Variants in VWA8 observed in about 807,000 individuals in gnomAD.
The protein encoded by VWA8 is von Willebrand factor A domain containing 8.
In VWA8, 221 loss-of-function variants were observed where a neutral mutation model predicts 241.5. That is an observed-to-expected ratio of 0.91 (90% CI 0.82 to 1.02). The LOEUF (loss-of-function observed/expected upper bound fraction) is 1.02. Ranked by LOEUF, VWA8 falls within the 50% of genes least tolerant of loss-of-function variation. The probability of loss-of-function intolerance (pLI) is 0.00; values close to 1 mark genes in which losing one functional copy is unlikely to be tolerated. For missense variants in VWA8, 2,322 were observed against 2,328.7 expected, an observed-to-expected ratio of 1.00 and a Z score of 0.06; for synonymous variants, 852 against 827.1, an observed-to-expected ratio of 1.03 and a Z score of -0.52.
intron 35 of VWA8, among the ~76,000 whole-genome samples, chr13:41,684,100 T>C (rs2045118737): frequency 6.6e-6 from 1 of 152,178 alleles, no homozygotes; most frequent in Non-Finnish European, 1.5e-5. Context: ...TCCTATCTTA[T>C]TATACTGTAC....
At chr13:41,821,676 C>T (rs550789250) in intron 14 of VWA8, among the ~76,000 whole-genome samples, 54 of 151,968 alleles carry the variant, frequency 3.6e-4, no homozygotes, top group African/African-American at 1.3e-3. Context: ...TAATTTCAGA[C>T]AAAAAGATAT....
At chr13:41,697,594 T>C (rs1040420748) in intron 29 of VWA8, among the ~76,000 whole-genome samples, 1 of 152,196 alleles carries the variant, frequency 6.6e-6, no homozygotes, top group East Asian at 1.9e-4. Context: ...ATTAGATTCT[T>C]ACAAGGAGCG....
intron 17 of VWA8, among the ~76,000 whole-genome samples, chr13:41,793,228 T>C (rs1869535507): frequency 6.6e-6 from 1 of 152,188 alleles, no homozygotes; most frequent in Non-Finnish European, 1.5e-5. Context: ...TTGAATTTTA[T>C]CAAACACTTT....
intron 18 of VWA8, among the ~76,000 whole-genome samples, chr13:41,784,693 T>TATAA (rs1869064548): frequency 1.7e-5 from 1 of 59,528 alleles, no homozygotes; most frequent in African/African-American, 6.1e-5. Flanking sequence ...TACATATACA[T>TATAA]ATACATATAT....
chr13:41,581,978 T>C (rs1213705717), intron 42 of VWA8, among the ~76,000 whole-genome samples: 1 of 152,214 alleles, frequency 6.6e-6, no homozygotes, highest in Non-Finnish European at 1.5e-5. Context: ...AACAGTACTA[T>C]TCTACTTTTC....
At chr13:41,625,359 T>C (rs868842715) in intron 37 of VWA8, among the ~76,000 whole-genome samples, 3 of 152,056 alleles carry the variant, frequency 2.0e-5, no homozygotes, top group Non-Finnish European at 4.4e-5. Flanking sequence ...ATCCAGAATC[T>C]ACAATGAACT....
rs1000151590 is a variant in VWA8 at position 41,958,087 on chromosome 13, T to C, written c.163+2766A>G. ...ATTTTAATGGAAGTATAAAGAGATA[T>C]AAAGAATTTACAATTATAGATACTT... On this transcript the variant is annotated intron_variant, in intron 1 of 44. Transcript: ENST00000379310. 3.3e-5 allele frequency among the ~76,000 whole-genome samples: 5 copies of C among 152,222 alleles called. No individual in the cohort carries two copies. In the East Asian group the frequency reaches 9.6e-4, roughly 29 times the overall value.
chr13:41,863,422 T>A lies in VWA8; in HGVS notation c.1425+2314A>T, dbSNP rs1405846208. 5.9e-5 allele frequency among the ~76,000 whole-genome samples: 5 copies of A among 84,048 alleles called. No homozygotes were observed. In the East Asian group the frequency reaches 9.6e-4, roughly 16 times the overall value. The allele number at this position is 84,048 out of a possible 152,430, so 55.1% of individuals were successfully genotyped here. A position where few individuals can be genotyped will look rare whatever the true frequency, so the allele number is the denominator to read the frequency against. Reference sequence around the variant, plus strand: ...GTGTGTGTGTGTGTGTGTGTGTGTGTGTGTGTGTGTGTATATATATATATA... The same window carrying A: ...GTGTGTGTGTGTGTGTGTGTGTGTGAGTGTGTGTGTGTATATATATATATA... On this transcript the variant is annotated intron_variant, in intron 12 of 44. Coordinates refer to ENST00000379310, the MANE Select transcript of VWA8 (RefSeq NM_015058.2).
chr13:41,927,914 T>C (rs1401327874), intron 2 of VWA8, among the ~76,000 whole-genome samples: 1 of 152,174 alleles, frequency 6.6e-6, no homozygotes, highest in African/African-American at 2.4e-5. Context: ...AGATAAGATA[T>C]TCTATGGAAA....
intron 2 of VWA8, among the ~76,000 whole-genome samples, chr13:41,941,932 C>G (rs932841389): frequency 3.3e-5 from 5 of 152,146 alleles, no homozygotes; most frequent in African/African-American, 1.2e-4. Context: ...CATTTTCCTA[C>G]AGAACTCAAA....
chr13:41,866,710 A>T (rs1247724454), intron 10 of VWA8, among the ~76,000 whole-genome samples: 3 of 152,044 alleles, frequency 2.0e-5, no homozygotes, highest in Admixed American at 2.0e-4. Flanking sequence ...CTGGAGAATA[A>T]ATTTTTTTCC....
At chr13:41,806,002 A>T (rs1014676141) in intron 17 of VWA8, among the ~76,000 whole-genome samples, 5 of 60,908 alleles carry the variant, frequency 8.2e-5, no homozygotes, top group Non-Finnish European at 1.5e-4. Context: ...ATTCAAAAAT[A>T]AAAAAAAAAA....
intron 37 of VWA8, among the ~76,000 whole-genome samples, chr13:41,658,772 G>A (rs1032689088): frequency 2.0e-5 from 3 of 152,200 alleles, no homozygotes; most frequent in Admixed American, 1.3e-4. Flanking sequence ...AGCAGTTTTT[G>A]AGTGGAAGCA....
Position 41,587,582 on chromosome 13 carries a change from C to T in VWA8, c.5201G>A (p.Arg1734Gln), listed in dbSNP as rs754519395. 68 of 1,614,176 alleles carry T rather than the reference C, an allele frequency of 4.2e-5. No individual in the cohort carries two copies. Among genetic ancestry groups the T allele is most frequent in the East Asian group, 1.1e-4 (5 of 44,878 alleles). The change falls in exon 42 of 45, where the codon CGG (arginine) becomes CAG (glutamine). Residue 1734 changes from arginine to glutamine, a missense_variant. Transcript: ENST00000379310. Reference sequence around the variant, plus strand: ...CACAGCCTCCATTGTGCGCTCAAGCCGGCCATCCATCCTGTTGAAACGGTA... The same window carrying T: ...CACAGCCTCCATTGTGCGCTCAAGCTGGCCATCCATCCTGTTGAAACGGTA... ...SMYRFNRMDG[R>Q]LERTMEAVCM...
At chr13:41,848,262 G>C (rs1354614078) in intron 12 of VWA8, among the ~76,000 whole-genome samples, 1 of 152,102 alleles carries the variant, frequency 6.6e-6, no homozygotes, top group Admixed American at 6.5e-5. Context: ...TCACTAGCTG[G>C]GAAACAGAAA....
chr13:41,792,827 T>C (rs574541908), intron 17 of VWA8, among the ~76,000 whole-genome samples: 1 of 152,204 alleles, frequency 6.6e-6, no homozygotes, highest in South Asian at 2.1e-4. Flanking sequence ...CTTTCTACTA[T>C]TATTTTGAAT....
intron 43 of VWA8, among the ~76,000 whole-genome samples, chr13:41,573,506 T>TACAC (rs1555303606): frequency 4.9e-5 from 7 of 141,646 alleles, no homozygotes; most frequent in African/African-American, 1.9e-4. Flanking sequence ...TATATATATA[T>TACAC]ACCTCTCTCT....
chr13:41,727,281 C>T lies in VWA8; in HGVS notation c.2671G>A (p.Val891Ile). 6.4e-7 allele frequency: 1 copy of T among 1,559,234 alleles called. No individual in the cohort carries two copies. The highest frequency in any genetic ancestry group is 1.2e-5 in the South Asian group (1 of 83,394). Reference protein sequence around the residue: ...SANVNGRENVVVIHPDFRMIV... With the variant: ...SANVNGRENVIVIHPDFRMIV... ...ATCCTAAAATCAGGATGAATCACTA[C>T]AACATTTTCTCTTCCATTCACATTA... The change falls in exon 24 of 45, where the codon GTA (valine) becomes ATA (isoleucine). Residue 891 changes from valine (V) to isoleucine (I), a missense_variant. By Grantham distance (29) the Val-to-Ile change is conservative (BLOSUM62 3). Transcript: ENST00000379310.
At chr13:41,873,384 T>C (rs1038820307) in intron 9 of VWA8, among the ~76,000 whole-genome samples, 1 of 152,028 alleles carries the variant, frequency 6.6e-6, no homozygotes. Flanking sequence ...AAAAAATTAA[T>C]GAATCCAGGA....
Sources: gnomAD v4.1 joint callset for allele counts (sites outside exome capture counted in the v4.1 genomes callset) on GRCh38, gnomAD v4.1.1 for gene constraint, MANE v1.5 for transcripts, NCBI Gene and HGNC (gene_info 2026-07-23, HGNC 2026-07-21) for gene names.